Variants in CHSY3 observed in about 807,000 individuals in gnomAD.
CHSY3 encodes the protein chondroitin sulfate synthase 3, also known as N-acetylgalactosaminyl-proteoglycan 3-beta-glucuronosyltransferase 3.
Under a neutral mutation model 67.2 loss-of-function variants are expected in CHSY3, and 35 were observed. The observed-to-expected ratio is 0.52, with a 90% CI of 0.40 to 0.69. The LOEUF (loss-of-function observed/expected upper bound fraction) is 0.69. Ranked by LOEUF, CHSY3 falls within the 30% of genes least tolerant of loss-of-function variation. The probability of loss-of-function intolerance (pLI) is 0.00; values close to 1 mark genes in which losing one functional copy is unlikely to be tolerated. For synonymous variants in CHSY3, 474 were observed against 434.7 expected, an observed-to-expected ratio of 1.09 and a Z score of -1.12; for missense variants, 1,069 against 1,138.5, an observed-to-expected ratio of 0.94 and a Z score of 0.88.
chr5:129,992,742 G>A (rs1473093928), intron 2 of CHSY3, among the ~76,000 whole-genome samples: 1 of 152,140 alleles, frequency 6.6e-6, no homozygotes, highest in East Asian at 1.9e-4. Flanking sequence ...ACCTTTTGTG[G>A]CTTTGACTAA....
chr5:130,078,613 T>C (rs1766347271), intron 2 of CHSY3, among the ~76,000 whole-genome samples: 1 of 152,208 alleles, frequency 6.6e-6, no homozygotes, highest in Non-Finnish European at 1.5e-5. Context: ...AACCAATTGT[T>C]GCTAAGCTAG....
At chr5:130,137,779 G>T (rs1328887734) in intron 2 of CHSY3, among the ~76,000 whole-genome samples, 1 of 152,122 alleles carries the variant, frequency 6.6e-6, no homozygotes, top group Non-Finnish European at 1.5e-5. Context: ...CTGGAAATTT[G>T]GCTACAGTGT....
At chr5:129,966,745 C>G (rs1286041577) in intron 2 of CHSY3, among the ~76,000 whole-genome samples, 2 of 151,680 alleles carry the variant, frequency 1.3e-5, no homozygotes, top group African/African-American at 4.8e-5. Flanking sequence ...GAAAGACTCT[C>G]ACCTACTGTT....
chr5:129,960,576 A>G (rs1011237989), intron 2 of CHSY3, among the ~76,000 whole-genome samples: 2 of 152,050 alleles, frequency 1.3e-5, no homozygotes, highest in East Asian at 1.9e-4. Flanking sequence ...AAAAAAGATT[A>G]TTAAACTCCA....
intron 2 of CHSY3, among the ~76,000 whole-genome samples, chr5:130,034,685 T>TA (rs1764797898): frequency 6.6e-6 from 1 of 152,176 alleles, no homozygotes; most frequent in Non-Finnish European, 1.5e-5. Flanking sequence ...CTCATGGTGA[T>TA]ATGTGCTCTG....
chr5:130,130,762 G>A (rs1768456296), intron 2 of CHSY3, among the ~76,000 whole-genome samples: 1 of 151,974 alleles, frequency 6.6e-6, no homozygotes, highest in South Asian at 2.1e-4. Context: ...ACTCCCTCAG[G>A]TCCACAAACC....
chr5:130,091,190 G>T (rs1299265916), intron 2 of CHSY3, among the ~76,000 whole-genome samples: 1 of 151,516 alleles, frequency 6.6e-6, no homozygotes, highest in African/African-American at 2.4e-5. Context: ...AATTATGGAG[G>T]CTTCTGCTTT....
intron 2 of CHSY3, among the ~76,000 whole-genome samples, chr5:129,944,187 A>C (rs954388728): frequency 6.6e-6 from 1 of 152,228 alleles, no homozygotes; most frequent in African/African-American, 2.4e-5. Flanking sequence ...AGGTCTCCTT[A>C]CTTCAACAGA....
chr5:130,044,299 G>C (rs1765083740), intron 2 of CHSY3, among the ~76,000 whole-genome samples: 1 of 152,040 alleles, frequency 6.6e-6, no homozygotes, highest in Admixed American at 6.6e-5. Flanking sequence ...TTCAAGAAGG[G>C]GAGAGGAGGT....
chr5:130,094,752 C>T (rs1766991301), intron 2 of CHSY3, among the ~76,000 whole-genome samples: 1 of 152,146 alleles, frequency 6.6e-6, no homozygotes, highest in Admixed American at 6.5e-5. Context: ...CTATATTACA[C>T]AGTGAACCAC....
chr5:130,141,581 A>C (rs1189478605), intron 2 of CHSY3: 2 of 478,868 alleles, frequency 4.2e-6, no homozygotes, highest in Non-Finnish European at 8.2e-6. Context: ...ATGGTCCAGG[A>C]AGCTGAGAAA....
chr5:129,924,161 A>G (rs1761015634), intron 2 of CHSY3, among the ~76,000 whole-genome samples: 1 of 152,176 alleles, frequency 6.6e-6, no homozygotes, highest in Non-Finnish European at 1.5e-5. Flanking sequence ...AATACATATA[A>G]TGAAAAATCA....
intron 2 of CHSY3, among the ~76,000 whole-genome samples, chr5:130,175,781 G>T (rs1260132600): frequency 1.3e-5 from 2 of 152,202 alleles, no homozygotes; most frequent in African/African-American, 4.8e-5. Context: ...TGTAAATGGT[G>T]TTGGGAAAAC....
intron 2 of CHSY3, among the ~76,000 whole-genome samples, chr5:129,930,182 A>C (rs988474008): frequency 6.6e-6 from 1 of 151,996 alleles, no homozygotes; most frequent in Non-Finnish European, 1.5e-5. Flanking sequence ...AAAATACAAA[A>C]ATTAGCCAGA....
Position 130,159,501 on chromosome 5 carries a change from T to C in CHSY3, c.1087-24728T>C, listed in dbSNP as rs10478910. Among the ~76,000 whole-genome samples, 1,178 of 152,316 alleles carry C rather than the reference T, an allele frequency of 7.7e-3. 12 individuals carry two copies. The highest frequency in any genetic ancestry group is 0.027 in the African/African-American group (1,124 of 41,576). Reference sequence around the variant, plus strand: ...TTAAGATTTTTAAAAGCATGTTTTATGTAGTACTTGAATCACTTTAAATTT... The same window carrying C: ...TTAAGATTTTTAAAAGCATGTTTTACGTAGTACTTGAATCACTTTAAATTT... On this transcript the variant is annotated intron_variant, in intron 2 of 2. Coordinates refer to ENST00000305031, the MANE Select transcript of CHSY3 (RefSeq NM_175856.5).
At chr5:130,157,039 G>A (rs1286345345) in intron 2 of CHSY3, among the ~76,000 whole-genome samples, 4 of 152,076 alleles carry the variant, frequency 2.6e-5, no homozygotes, top group South Asian at 4.1e-4. Flanking sequence ...ACAAGTTTAC[G>A]AACTACTTAC....
At chr5:130,044,173 A>T (rs775598795) in intron 2 of CHSY3, among the ~76,000 whole-genome samples, 4 of 152,150 alleles carry the variant, frequency 2.6e-5, no homozygotes, top group Non-Finnish European at 4.4e-5. Context: ...TTCAAGAATG[A>T]TTATCTAGGA....
chr5:129,973,313 C>A (rs1205053110), intron 2 of CHSY3, among the ~76,000 whole-genome samples: 2 of 152,060 alleles, frequency 1.3e-5, no homozygotes, highest in Non-Finnish European at 2.9e-5. Flanking sequence ...TTCAGAGAAT[C>A]TAGAATTCTA....
chr5:129,995,935 C>T (rs1050549922), intron 2 of CHSY3, among the ~76,000 whole-genome samples: 1 of 152,002 alleles, frequency 6.6e-6, no homozygotes, highest in Non-Finnish European at 1.5e-5. Flanking sequence ...CATTTTCCAT[C>T]TCTCTCTTCC....
Sources: gnomAD v4.1 joint callset for allele counts (sites outside exome capture counted in the v4.1 genomes callset) on GRCh38, gnomAD v4.1.1 for gene constraint, MANE v1.5 for transcripts, NCBI Gene and HGNC (gene_info 2026-07-23, HGNC 2026-07-21) for gene names.